BAZ1A: variants seen among roughly 807,000 people sequenced by gnomAD.
BAZ1A encodes bromodomain adjacent to zinc finger domain 1A, also known as bromodomain adjacent to zinc finger domain protein 1A.
Under a neutral mutation model 185.2 loss-of-function variants are expected in BAZ1A, and 50 were observed. The ratio of observed to expected loss-of-function variants is 0.27; its 90% confidence interval spans 0.22 to 0.34. The LOEUF (loss-of-function observed/expected upper bound fraction) is 0.34, where lower values mean the gene tolerates loss of function less well. Ranked by LOEUF, BAZ1A falls within the 10% of genes least tolerant of loss-of-function variation. BAZ1A has a pLI of 1.00. For synonymous variants in BAZ1A, 571 were observed against 615.6 expected (o/e 0.93, Z 1.07); for missense variants, 1,356 against 1,839.9 (o/e 0.74, Z 4.81).
In BAZ1A at chr14:34,774,311, G is replaced by A. The variant is rs139828422; in HGVS notation, c.2997+16C>T. On this transcript the variant is annotated intron_variant, in intron 19 of 26. Coordinates refer to ENST00000360310, the MANE Select transcript of BAZ1A (RefSeq NM_013448.3). Reference sequence around the variant, plus strand: ...CAAGTAGATTAGACAAACTAAAAATGGGAACAAGTACAAACCTTGATGGCT... The same window carrying A: ...CAAGTAGATTAGACAAACTAAAAATAGGAACAAGTACAAACCTTGATGGCT... 36 of 1,587,838 alleles carry A rather than the reference G, an allele frequency of 2.3e-5. No individual in the cohort carries two copies. Among genetic ancestry groups the A allele is most frequent in the Admixed American group, 1.3e-4 (7 of 53,822 alleles).
Position 34,854,916 on chromosome 14 carries a change from C to T in BAZ1A, c.392+7128G>A, listed in dbSNP as rs556043297. Among the ~76,000 whole-genome samples the T allele has an allele frequency of 3.9e-5, 6 of 152,222 alleles. No individual in the cohort carries two copies. In the South Asian group the frequency reaches 1.2e-3, roughly 32 times the overall value. On this transcript the variant is annotated intron_variant, in intron 3 of 26. Transcript: ENST00000360310. ...CCAAGATGGCAAAACCCCATCTCTA[C>T]TAATGATACAAAATTAGCTGGGCTT...
At chr14:34,842,211 G>GA (rs1031023338) in intron 3 of BAZ1A, among the ~76,000 whole-genome samples, 20 of 149,252 alleles carry the variant, frequency 1.3e-4, no homozygotes, top group Admixed American at 2.7e-4. Flanking sequence ...TACCTTCAAA[G>GA]AAAAAAAAAG....
At chr14:34,857,894 C>T (rs1436862483) in intron 3 of BAZ1A, among the ~76,000 whole-genome samples, 6 of 152,178 alleles carry the variant, frequency 3.9e-5, no homozygotes, top group Non-Finnish European at 7.3e-5. Flanking sequence ...TCTCTGACCA[C>T]CCTAGCTCAA....
chr14:34,844,799 ACACACACACACAC>A, intron 3 of BAZ1A, among the ~76,000 whole-genome samples: 1 of 151,606 alleles, frequency 6.6e-6, no homozygotes, highest in Non-Finnish European at 1.5e-5. Flanking sequence ...ACACACACAC[ACACACACACACAC>A]AAAATCCAAC....
chr14:34,820,133 T>TTTG (rs902761693), intron 4 of BAZ1A, among the ~76,000 whole-genome samples: 4 of 130,426 alleles, frequency 3.1e-5, no homozygotes, highest in Non-Finnish European at 7.1e-5. Flanking sequence ...TTTTTTTTTT[T>TTTG]TTTTTTTTTT....
intron 14 of BAZ1A, among the ~76,000 whole-genome samples, chr14:34,784,367 CAAAAAAA>C (rs368815964): frequency 2.6e-4 from 20 of 77,174 alleles, no homozygotes; most frequent in Non-Finnish European, 3.4e-4. Context: ...GACTCTGTCT[CAAAAAAA>C]AAAAAAAAAA....
intron 25 of BAZ1A, among the ~76,000 whole-genome samples, chr14:34,757,752 T>TTG (rs1555336767): frequency 2.2e-3 from 337 of 150,650 alleles, no homozygotes; most frequent in Admixed American, 4.0e-3. Context: ...CTTTTTTTTT[T>TTG]TTTTGAGATG....
In BAZ1A at chr14:34,783,748, C is replaced by T. The variant is rs371214248; in HGVS notation, c.1997+14G>A. On this transcript the variant is annotated intron_variant, in intron 15 of 26. Transcript: ENST00000360310. ...ACAGCTTTCATTAACACAACTATTACAATTATCTCTTACCTGGCAGCTGCT... is the reference window on the plus strand; with the variant it reads ...ACAGCTTTCATTAACACAACTATTATAATTATCTCTTACCTGGCAGCTGCT... 2 of 1,598,580 alleles carry T rather than the reference C, an allele frequency of 1.3e-6. No individual in the cohort carries two copies. Among genetic ancestry groups the T allele is most frequent in the African/African-American group, 2.7e-5 (2 of 73,834 alleles).
intron 3 of BAZ1A, among the ~76,000 whole-genome samples, chr14:34,835,876 G>T (rs2138742427): frequency 6.6e-6 from 1 of 151,504 alleles, no homozygotes; most frequent in East Asian, 2.0e-4. Context: ...TCTCCATGTT[G>T]GTCAGGCTAG....
intron 23 of BAZ1A, among the ~76,000 whole-genome samples, chr14:34,764,431 T>C (rs1392932505): frequency 6.6e-6 from 1 of 151,908 alleles, no homozygotes; most frequent in African/African-American, 2.4e-5. Context: ...TAGCTGGGAT[T>C]ACAGATGTCC....
In BAZ1A at chr14:34,795,729, C is replaced by T. The variant is rs1881150842; in HGVS notation, c.1165G>A (p.Val389Met). ...EKLREEKRKY[V>M]EYLKQWSKPR... ...TTACTCCACTGTTTTAAGTATTCCA[C>T]ATACTTTCGCTTTTCTTCACGTAAC... The change falls in exon 10 of 27, where the codon GTG becomes ATG. Residue 389 changes from valine to methionine, a missense_variant. By Grantham distance (21) the Val-to-Met change is conservative. Coordinates refer to ENST00000360310, the MANE Select transcript of BAZ1A (RefSeq NM_013448.3). 2 of 1,613,206 alleles carry T rather than the reference C, an allele frequency of 1.2e-6. No homozygotes were observed. Among genetic ancestry groups the T allele is most frequent in the African/African-American group, 2.7e-5 (2 of 75,032 alleles).
At chr14:34,829,780 A>G (rs2042214291) in intron 3 of BAZ1A, among the ~76,000 whole-genome samples, 1 of 152,142 alleles carries the variant, frequency 6.6e-6, no homozygotes, top group Non-Finnish European at 1.5e-5. Flanking sequence ...TTACCTATTC[A>G]TCATCTAACC....
chr14:34,853,870 T>A (rs2042634838), intron 3 of BAZ1A, among the ~76,000 whole-genome samples: 1 of 152,222 alleles, frequency 6.6e-6, no homozygotes, highest in South Asian at 2.1e-4. Context: ...TGAGTACCTA[T>A]ACCAACTAAT....
intron 6 of BAZ1A, among the ~76,000 whole-genome samples, chr14:34,803,829 T>C (rs1414139031): frequency 2.0e-5 from 3 of 152,182 alleles, no homozygotes; most frequent in Admixed American, 2.0e-4. Context: ...CTAGTCTTGA[T>C]AAAAGCAGAA....
At chr14:34,783,385 T>TG (rs1175457672) in intron 15 of BAZ1A, among the ~76,000 whole-genome samples, 153 bp from the exon 16 acceptor site, 17 of 150,360 alleles carry the variant, frequency 1.1e-4, no homozygotes, top group Non-Finnish European at 2.2e-4. Context: ...TTTTTTTTTT[T>TG]GAGACAGAGT....
chr14:34,861,416 T>C (rs992151572), intron 3 of BAZ1A, among the ~76,000 whole-genome samples: 1 of 152,192 alleles, frequency 6.6e-6, no homozygotes, highest in Admixed American at 6.5e-5. Flanking sequence ...TGCATTTGTA[T>C]ACTACAGAAA....
intron 3 of BAZ1A, among the ~76,000 whole-genome samples, chr14:34,832,203 C>CATATATATATATATAT (rs1566586080): frequency 6.6e-5 from 5 of 76,102 alleles, no homozygotes; most frequent in Non-Finnish European, 1.2e-4. Flanking sequence ...CACACACACA[C>CATATATATATATATAT]ACACACACAC....
intron 25 of BAZ1A, among the ~76,000 whole-genome samples, chr14:34,757,798 C>G (rs529704633): frequency 2.7e-5 from 4 of 149,340 alleles, no homozygotes; most frequent in Admixed American, 2.0e-4. Flanking sequence ...GGAGTGTGGA[C>G]TGCAATGGCG....
chr14:34,811,145 A>G (rs2041924599), intron 4 of BAZ1A, 109 bp from the exon 5 acceptor site: 4 of 822,408 alleles, frequency 4.9e-6, no homozygotes, highest in Non-Finnish European at 7.3e-6. Context: ...CATATTTCAA[A>G]ATTTTTTTTT....
Sources: gnomAD v4.1 joint callset for allele counts (sites outside exome capture counted in the v4.1 genomes callset) on GRCh38, gnomAD v4.1.1 for gene constraint, MANE v1.5 for transcripts, NCBI Gene and HGNC (gene_info 2026-07-23, HGNC 2026-07-21) for gene names.